DHX35: variants seen among roughly 807,000 people sequenced by gnomAD.
DHX35 encodes DEAH-box helicase 35, also known as probable ATP-dependent RNA helicase DHX35.
In DHX35, 84 loss-of-function variants were observed where a neutral mutation model predicts 99.6. The observed-to-expected ratio is 0.84, with a 90% CI of 0.71 to 1.01. DHX35 has a LOEUF of 1.01. Ranked by LOEUF, DHX35 falls within the 50% of genes least tolerant of loss-of-function variation. The probability of loss-of-function intolerance (pLI) is 0.00; values close to 1 mark genes in which losing one functional copy is unlikely to be tolerated. For synonymous variants in DHX35, 331 were observed against 316.2 expected (o/e 1.05, Z -0.50); for missense variants, 852 against 888.5 (o/e 0.96, Z 0.52).
intron 8 of DHX35, among the ~76,000 whole-genome samples, chr20:39,001,166 C>T (rs1245729465): frequency 1.3e-5 from 2 of 152,122 alleles, no homozygotes; most frequent in African/African-American, 4.8e-5. Context: ...GATGGCCTAC[C>T]CCATACAAAG....
intron 18 of DHX35, among the ~76,000 whole-genome samples, chr20:39,028,136 G>C (rs1032412011): frequency 6.6e-6 from 1 of 152,206 alleles, no homozygotes; most frequent in Non-Finnish European, 1.5e-5. Flanking sequence ...CCCAGCCATG[G>C]TCCAGTCATC....
chr20:38,982,756 A>G (rs1415472567), intron 3 of DHX35, among the ~76,000 whole-genome samples: 1 of 152,172 alleles, frequency 6.6e-6, no homozygotes, highest in Admixed American at 6.5e-5. Context: ...AACTTTTAAA[A>G]TCTTTTTTCT....
intron 4 of DHX35, among the ~76,000 whole-genome samples, chr20:38,988,240 G>C (rs2086279359): frequency 6.6e-6 from 1 of 151,930 alleles, no homozygotes; most frequent in Admixed American, 6.6e-5. Flanking sequence ...TAATTTTTTG[G>C]ATCTTGATCC....
chr20:39,000,841 C>T (rs375326273), intron 8 of DHX35, among the ~76,000 whole-genome samples: 84 of 152,252 alleles, frequency 5.5e-4, no homozygotes, highest in African/African-American at 1.8e-3. Context: ...CTCCACCCGA[C>T]GGGATATCCA....
intron 21 of DHX35, among the ~76,000 whole-genome samples, chr20:39,035,302 C>T (rs1034029726): frequency 6.7e-6 from 1 of 149,948 alleles, no homozygotes; most frequent in Admixed American, 6.6e-5. Context: ...GAACTCCTGA[C>T]CTCTGGTGAT....
chr20:39,037,077 G>T (rs1264203118), intron 21 of DHX35, among the ~76,000 whole-genome samples: 2 of 152,176 alleles, frequency 1.3e-5, no homozygotes, highest in Non-Finnish European at 2.9e-5. Flanking sequence ...AAATGGTTCA[G>T]AGTCAGCTTT....
At chr20:39,034,085 C>A in intron 20 of DHX35, 121 bp from the exon 21 acceptor site, 1 of 712,832 alleles carries the variant, frequency 1.4e-6, no homozygotes, top group Non-Finnish European at 2.4e-6. Context: ...ATGTGTTTAG[C>A]ACAGTGTCTG....
In DHX35 at chr20:39,020,704, A is replaced by T. The variant is rs914137560; in HGVS notation, c.1499-1137A>T. Among the ~76,000 whole-genome samples the T allele has an allele frequency of 8.4e-5, 11 of 130,692 alleles. No homozygotes were observed. The Admixed American group carries it at 9.0e-4, about 11-fold the overall frequency. The allele number at this position is 130,692 out of a possible 152,430, so 85.7% of individuals were successfully genotyped here. On this transcript the variant is annotated intron_variant, in intron 15 of 21. Coordinates refer to ENST00000252011, the MANE Select transcript of DHX35 (RefSeq NM_021931.4). ...GACAGTGTCTCACTCTGTCGCCTAG[A>T]CTAGAGTGCAGTGGCGCAATCTCAG...
At chr20:39,033,586 A>G (rs997207510) in intron 20 of DHX35, among the ~76,000 whole-genome samples, 1 of 152,206 alleles carries the variant, frequency 6.6e-6, no homozygotes, top group African/African-American at 2.4e-5. Context: ...GCCCTGAATT[A>G]ACACTTTGGA....
intron 3 of DHX35, among the ~76,000 whole-genome samples, chr20:38,980,906 A>G (rs563903107): frequency 1.3e-5 from 2 of 152,248 alleles, no homozygotes; most frequent in South Asian, 2.1e-4. Flanking sequence ...GAATTCCTCA[A>G]TATGTCTTCA....
chr20:38,975,177 A>G (rs1359095725), intron 3 of DHX35, among the ~76,000 whole-genome samples: 3 of 152,064 alleles, frequency 2.0e-5, no homozygotes, highest in African/African-American at 4.8e-5. Context: ...AAGTTTCCCA[A>G]TAGACAGCTA....
chr20:39,030,710 C>T lies in DHX35; in HGVS notation c.1890C>T (p.Ile630=), dbSNP rs774175931. Residue 630 remains isoleucine, a synonymous_variant, in exon 20 of 22, where the codon ATC becomes ATT. Coordinates refer to ENST00000252011, the MANE Select transcript of DHX35 (RefSeq NM_021931.4). ...AATTCTTCTATGTTCCAAGGACCATCCGTGATGACCATGAGCTGCACATAC... is the reference window on the plus strand; with the variant it reads ...AATTCTTCTATGTTCCAAGGACCATTCGTGATGACCATGAGCTGCACATAC... ...RFHSTGAYRT[I]RDDHELHIHP... 1 of 1,614,012 alleles carries T rather than the reference C, an allele frequency of 6.2e-7. No homozygotes were observed. The highest frequency in any genetic ancestry group is 2.2e-5 in the East Asian group (1 of 44,888).
chr20:38,999,702 G>A (rs2086488640), intron 8 of DHX35, among the ~76,000 whole-genome samples: 1 of 152,270 alleles, frequency 6.6e-6, no homozygotes, highest in South Asian at 2.1e-4. Flanking sequence ...TTCACACTTT[G>A]TCTCCCCTGC....
Position 39,023,735 on chromosome 20 carries a change from A to T in DHX35, c.1639A>T (p.Thr547Ser). ...TGCTGTGGAGGAGGGCGACCACCTCACTATGCTCAATATATATGAAGCATT... is the reference window on the plus strand; with the variant it reads ...TGCTGTGGAGGAGGGCGACCACCTCTCTATGCTCAATATATATGAAGCATT... ...KFAVEEGDHL[T>S]MLNIYEAFIK... is the part of the protein sequence containing the mutation. Residue 547 changes from threonine to serine, a missense_variant, in exon 17 of 22, where the codon ACT becomes TCT. Thr to Ser is a moderately conservative substitution (Grantham distance 58, BLOSUM62 1). Coordinates refer to ENST00000252011, the MANE Select transcript of DHX35 (RefSeq NM_021931.4). The T allele has an allele frequency of 6.2e-7, 1 of 1,614,104 alleles. No individual in the cohort carries two copies. The highest frequency in any genetic ancestry group is 8.5e-7 in the Non-Finnish European group (1 of 1,179,962).
In DHX35 at chr20:39,038,778, A is replaced by G. The variant is rs1024532799; in HGVS notation, c.*235A>G. On this transcript the variant is annotated 3_prime_UTR_variant, in exon 22 of 22. Coordinates refer to ENST00000252011, the MANE Select transcript of DHX35 (RefSeq NM_021931.4). ...GGCATCCTTCTGTGCTGCAGCGGGC[A>G]GAGTGGGAGTTGGCTCACTCAGCAC... 4.9e-4 allele frequency: 281 copies of G among 572,152 alleles called. 2 individuals are homozygous for G. The highest frequency in any genetic ancestry group is 3.8e-4 in the Non-Finnish European group (122 of 320,014). The allele number at this position is 572,152 out of a possible 1,614,324, so 35.4% of individuals were successfully genotyped here.
chr20:38,992,312 T>A, intron 6 of DHX35, 44 bp from the exon 7 acceptor site: 2 of 1,563,568 alleles, frequency 1.3e-6, no homozygotes, highest in Non-Finnish European at 8.8e-7. Flanking sequence ...AGATGATGTG[T>A]GGCTTTTTTA....
At chr20:39,013,832 C>A (rs1457143318) in intron 13 of DHX35, among the ~76,000 whole-genome samples, 1 of 152,206 alleles carries the variant, frequency 6.6e-6, no homozygotes, top group Non-Finnish European at 1.5e-5. Flanking sequence ...TTGTTGAATC[C>A]TCTCTGTGTA....
Position 39,003,755 on chromosome 20 carries a change from G to T in DHX35, c.859G>T (p.Val287Leu). 1.2e-6 allele frequency: 2 copies of T among 1,612,768 alleles called. No homozygotes were observed. The highest frequency in any genetic ancestry group is 1.3e-5 in the African/African-American group (1 of 75,020). ...VLAFLTGQEEVETVVSMLIEQ... is the reference protein window; with the variant it reads ...VLAFLTGQEELETVVSMLIEQ... ...CCTGGTTCAACGTCTTTAGGAAGAG[G>T]TAGAAACTGTTGTGTCGATGCTCAT... Residue 287 changes from valine to leucine, a missense_variant, in exon 11 of 22, where the codon GTA becomes TTA. Transcript: ENST00000252011.
chr20:39,025,616 C>T (rs1398862673), intron 18 of DHX35, among the ~76,000 whole-genome samples: 7 of 152,220 alleles, frequency 4.6e-5, no homozygotes, highest in Non-Finnish European at 1.5e-5. Flanking sequence ...TTAAGAATCA[C>T]TAACAGTCAC....
Sources: gnomAD v4.1 joint callset for allele counts (sites outside exome capture counted in the v4.1 genomes callset) on GRCh38, gnomAD v4.1.1 for gene constraint, MANE v1.5 for transcripts, NCBI Gene and HGNC (gene_info 2026-07-23, HGNC 2026-07-21) for gene names.